MYO1C: variants seen among roughly 807,000 people sequenced by gnomAD.
MYO1C encodes the protein myosin IC.
A neutral mutation model predicts 150.8 loss-of-function variants in MYO1C; 104 were observed. The observed-to-expected ratio is 0.69, with a 90% CI of 0.59 to 0.81. The LOEUF (loss-of-function observed/expected upper bound fraction) is 0.81. MYO1C is among the 30% of genes least tolerant of loss of function. MYO1C has a pLI of 0.00. For synonymous variants in MYO1C, 663 were observed against 579.9 expected (o/e 1.14, Z -2.06); for missense variants, 1,504 against 1,435.0 (o/e 1.05, Z -0.78).
Position 1,468,095 on chromosome 17 carries a change from C to T in MYO1C, c.2789G>A (p.Arg930His), listed in dbSNP as rs751189578. 37 of 1,613,318 alleles carry T rather than the reference C, an allele frequency of 2.3e-5. No homozygotes were observed. Among genetic ancestry groups the T allele is most frequent in the Non-Finnish European group, 3.0e-5 (35 of 1,179,972 alleles). Residue 930 changes from arginine to histidine, a missense_variant, in exon 28 of 32, where the codon CGC becomes CAC. Transcript: ENST00000648651. Reference sequence around the variant, plus strand: ...CCGGGAGCGAGGCTTGTAGCCCTTGCGGTCGTATTTCACAACAGGCACCGC... The same window carrying T: ...CCGGGAGCGAGGCTTGTAGCCCTTGTGGTCGTATTTCACAACAGGCACCGC... ...QYAVPVVKYD[R>H]KGYKPRSRQL...
chr17:1,481,973 C>G (rs569135854), intron 5 of MYO1C, among the ~76,000 whole-genome samples: 1 of 152,162 alleles, frequency 6.6e-6, no homozygotes, highest in South Asian at 2.1e-4. Flanking sequence ...TATCTCAGGC[C>G]TTTGTCCTGG....
At position 1,483,650 on chromosome 17, in the gene MYO1C, G is replaced by T; in HGVS notation, c.307C>A (p.Arg103Ser). The change falls in exon 3 of 32, where the codon CGT becomes AGT. Residue 103 changes from arginine to serine, a missense_variant. Physicochemically the swap from Arg to Ser is moderately radical, Grantham distance 110. Transcript: ENST00000648651. ...LQIYSRQHME[R>S]YRGVSFYEVP... ...TCATAGAAGCTGACGCCACGGTAACGCTCCATATGCTGCCGGCTGTAGATC... is the reference window on the plus strand; with the variant it reads ...TCATAGAAGCTGACGCCACGGTAACTCTCCATATGCTGCCGGCTGTAGATC... 5 of 1,613,036 alleles carry T rather than the reference G, an allele frequency of 3.1e-6. No homozygotes were observed. Among genetic ancestry groups the T allele is most frequent in the Non-Finnish European group, 4.2e-6 (5 of 1,179,740 alleles).
chr17:1,488,093 T>C (rs1047395254), intron 1 of MYO1C, among the ~76,000 whole-genome samples: 6 of 152,102 alleles, frequency 3.9e-5, no homozygotes, highest in Admixed American at 2.6e-4. Context: ...GCCGGGGGCG[T>C]GGCAGGAGCC....
At position 1,472,177 on chromosome 17, in the gene MYO1C, A is replaced by G. The variant is rs754438978; in HGVS notation, c.1849T>C (p.Ser617Pro). The G allele has an allele frequency of 6.2e-7, 1 of 1,614,066 alleles. No homozygotes were observed. The highest frequency in any genetic ancestry group is 1.7e-5 in the Admixed American group (1 of 60,014). ...CAGCGGACGTAGGCGGGCTCCTTAGACTGCAGGATCTCCACCAGCTGCAGG... is the reference window on the plus strand; with the variant it reads ...CAGCGGACGTAGGCGGGCTCCTTAGGCTGCAGGATCTCCACCAGCTGCAGG... Reference protein sequence around the residue: ...SLLQLVEILQSKEPAYVRCIK... With the variant: ...SLLQLVEILQPKEPAYVRCIK... The change falls in exon 18 of 32, where the codon TCT becomes CCT. Residue 617 changes from serine (S) to proline (P), a missense_variant. Transcript: ENST00000648651.
At chr17:1,474,576 T>C (rs768856118) in intron 17 of MYO1C, 34 bp downstream of exon 17, 48 of 1,599,700 alleles carry the variant, frequency 3.0e-5, no homozygotes, top group East Asian at 4.5e-5. Context: ...CTCAGGCGCA[T>C]GCACCCCTGC....
Position 1,492,661 on chromosome 17 carries a change from G to C in MYO1C, c.-174C>G, listed in dbSNP as rs1313621320. 1 of 664,230 alleles carries C rather than the reference G, an allele frequency of 1.5e-6. No individual in the cohort carries two copies. The highest frequency in any genetic ancestry group is 1.8e-5 in the African/African-American group (1 of 56,490). The allele number at this position is 664,230 out of a possible 1,614,324, so 41.1% of individuals were successfully genotyped here. ...GGGATGTGGCTGGTCCAGCTCCTCA[G>C]GACACGGCTGGAGCCGTCCAGGTCT... On this transcript the variant is annotated 5_prime_UTR_variant, in exon 1 of 32. Coordinates refer to ENST00000648651, the MANE Select transcript of MYO1C (RefSeq NM_001080779.2).
chr17:1,487,447 C>T (rs1293223535), intron 1 of MYO1C, among the ~76,000 whole-genome samples: 2 of 152,248 alleles, frequency 1.3e-5, no homozygotes, highest in Non-Finnish European at 2.9e-5. Flanking sequence ...CGGGCCGGAT[C>T]CTTGCGGGGA....
intron 5 of MYO1C, 139 bp from the exon 6 acceptor site, chr17:1,481,024 T>C: frequency 1.2e-6 from 1 of 855,750 alleles, no homozygotes; most frequent in Non-Finnish European, 1.8e-6. Context: ...CTGCGTCGGC[T>C]CAGGCACGCC....
intron 24 of MYO1C, 95 bp from the exon 25 acceptor site, chr17:1,469,709 C>T: frequency 4.0e-6 from 4 of 1,009,280 alleles, no homozygotes; most frequent in East Asian, 2.6e-5. Flanking sequence ...GGATAAGTAA[C>T]ACCCCCTCCA....
chr17:1,468,667 T>A (rs2150931800), intron 25 of MYO1C, 171 bp from the exon 26 acceptor site: 1 of 631,432 alleles, frequency 1.6e-6, no homozygotes, highest in Non-Finnish European at 2.8e-6. Flanking sequence ...ACCCTCCACT[T>A]CCTGACCCTC....
intron 1 of MYO1C, among the ~76,000 whole-genome samples, chr17:1,488,189 G>T (rs577849811): frequency 2.0e-5 from 3 of 152,278 alleles, no homozygotes; most frequent in Admixed American, 1.3e-4. Context: ...TGGAATGAGG[G>T]GAATCCGCGC....
At chr17:1,468,645 A>G in intron 25 of MYO1C, 149 bp from the exon 26 acceptor site, 1 of 672,602 alleles carries the variant, frequency 1.5e-6, no homozygotes, top group Non-Finnish European at 2.7e-6. Context: ...CCTGCCCCCC[A>G]CACGCCCATC....
chr17:1,485,396 C>T (rs1258457495), intron 1 of MYO1C: 1 of 1,050,314 alleles, frequency 9.5e-7, no homozygotes, highest in African/African-American at 1.7e-5. Context: ...TCCTCACCGC[C>T]CCGCTCCAAT....
chr17:1,485,284 C>T, intron 1 of MYO1C: 4 of 1,143,144 alleles, frequency 3.5e-6, no homozygotes, highest in Non-Finnish European at 4.3e-6. Flanking sequence ...CAGAGAAGAA[C>T]AAGGTGGTGG....
intron 5 of MYO1C, 56 bp from the exon 6 acceptor site, chr17:1,480,941 C>T: frequency 6.3e-7 from 1 of 1,586,522 alleles, no homozygotes; most frequent in East Asian, 2.2e-5. Context: ...AAGAGCCCAC[C>T]TGCCCCTCTT....
chr17:1,486,961 G>C (rs1334693641), intron 1 of MYO1C: 1 of 152,370 alleles, frequency 6.6e-6, no homozygotes, highest in Non-Finnish European at 1.5e-5. Context: ...CCTTGGCTCA[G>C]ATCCCACCGC....
rs1406605751 is a variant in MYO1C, at chr17:1,468,381, T to A, written c.2704+22A>T. 4 of 1,613,354 alleles carry A rather than the reference T, an allele frequency of 2.5e-6. No homozygotes were observed. The African/African-American group carries it at 5.3e-5, about 22-fold the overall frequency. ...CCAGGATGGTGACGAAAGGTCTGAGTGCTGGAAAGTCAGGGGCTCACCAAG... is the reference window on the plus strand; with the variant it reads ...CCAGGATGGTGACGAAAGGTCTGAGAGCTGGAAAGTCAGGGGCTCACCAAG... On this transcript the variant is annotated intron_variant, in intron 26 of 31. Transcript: ENST00000648651.
chr17:1,476,784 G>A (rs1282195487), intron 14 of MYO1C, among the ~76,000 whole-genome samples: 2 of 151,698 alleles, frequency 1.3e-5, no homozygotes, highest in Non-Finnish European at 2.9e-5. Flanking sequence ...AAAAATCTTA[G>A]CAAGTTTCAT....
At position 1,471,148 on chromosome 17, in the gene MYO1C, C is replaced by T. The variant is rs1050777592; in HGVS notation, c.2136-1G>A. 1 of 1,614,160 alleles carries T rather than the reference C, an allele frequency of 6.2e-7. No individual in the cohort carries two copies. ...GGGGAAGCGGATGAAGATCTTGGTCCTGGGAGAGCAGTAGTGATCAGCCCG... is the reference window on the plus strand; with the variant it reads ...GGGGAAGCGGATGAAGATCTTGGTCTTGGGAGAGCAGTAGTGATCAGCCCG... On this transcript the variant is annotated splice_acceptor_variant, in intron 20 of 31. Transcript: ENST00000648651. LOFTEE classifies it high-confidence loss of function.
Sources: allele counts gnomAD v4.1 joint callset (sites outside exome capture counted in the v4.1 genomes callset), GRCh38; gene constraint gnomAD v4.1.1; transcripts MANE v1.5; gene names NCBI Gene and HGNC (gene_info 2026-07-23, HGNC 2026-07-21).